CTNNA3: variants seen among roughly 807,000 people sequenced by gnomAD.
The protein encoded by CTNNA3 is catenin alpha 3, also known as catenin alpha-3.
A neutral mutation model predicts 95.7 loss-of-function variants in CTNNA3; 76 were observed. That is an observed-to-expected ratio of 0.79 (90% CI 0.66 to 0.96). CTNNA3 has a LOEUF of 0.96. Among genes scored for constraint, CTNNA3 ranks in the 40% least tolerant of loss-of-function variants. CTNNA3 has a pLI of 0.00. For missense variants in CTNNA3, 1,191 were observed against 1,089.8 expected, an observed-to-expected ratio of 1.09 and a Z score of -1.31; for synonymous variants, 431 against 374.4, an observed-to-expected ratio of 1.15 and a Z score of -1.74.
intron 9 of CTNNA3, among the ~76,000 whole-genome samples, chr10:66,692,844 T>C (rs1847604240): frequency 6.6e-6 from 1 of 152,084 alleles, no homozygotes; most frequent in African/African-American, 2.4e-5. Context: ...AACCCAGAAT[T>C]TCATATCCAG....
intron 12 of CTNNA3, among the ~76,000 whole-genome samples, chr10:66,325,194 G>T (rs1589088349): frequency 6.6e-6 from 1 of 152,188 alleles, no homozygotes; most frequent in South Asian, 2.1e-4. Context: ...AGTAATGACT[G>T]TAGTCCCTCA....
intron 5 of CTNNA3, among the ~76,000 whole-genome samples, chr10:67,270,543 G>A (rs935242141): frequency 1.3e-5 from 2 of 152,084 alleles, no homozygotes; most frequent in Non-Finnish European, 2.9e-5. Context: ...CTAGTTCTTG[G>A]ATAAACTTTT....
intron 5 of CTNNA3, among the ~76,000 whole-genome samples, chr10:67,504,239 T>A (rs186694622): frequency 4.0e-5 from 6 of 148,442 alleles, no homozygotes; most frequent in African/African-American, 1.5e-4. Context: ...GATCACAAGG[T>A]CAGGAAATCG....
At chr10:66,176,342 C>T (rs1247523440) in intron 13 of CTNNA3, among the ~76,000 whole-genome samples, 1 of 152,046 alleles carries the variant, frequency 6.6e-6, no homozygotes, top group Non-Finnish European at 1.5e-5. Context: ...CTTACATAAA[C>T]CTGTTCTGAC....
At chr10:66,052,580 C>T (rs2079981457) in intron 15 of CTNNA3, among the ~76,000 whole-genome samples, 1 of 152,132 alleles carries the variant, frequency 6.6e-6, no homozygotes, top group Non-Finnish European at 1.5e-5. Flanking sequence ...CAAAAATTTA[C>T]TGTCTCTGTT....
At chr10:66,002,646 C>T (rs920242157) in intron 15 of CTNNA3, among the ~76,000 whole-genome samples, 5 of 151,000 alleles carry the variant, frequency 3.3e-5, no homozygotes, top group Non-Finnish European at 7.4e-5. Context: ...TAGGTACCCT[C>T]GATCTACAAG....
At chr10:66,817,052 A>G (rs889551461) in intron 7 of CTNNA3, among the ~76,000 whole-genome samples, 4 of 152,032 alleles carry the variant, frequency 2.6e-5, no homozygotes, top group African/African-American at 9.7e-5. Context: ...ATAACTGTAA[A>G]TGCTTATGTT....
intron 4 of CTNNA3, among the ~76,000 whole-genome samples, chr10:67,525,882 C>T (rs1327509824): frequency 2.0e-5 from 3 of 152,228 alleles, no homozygotes; most frequent in East Asian, 1.9e-4. Context: ...TGCATTTATA[C>T]GAGGTGCTGG....
chr10:66,581,893 C>G (rs1190167937), intron 10 of CTNNA3, among the ~76,000 whole-genome samples: 2 of 151,524 alleles, frequency 1.3e-5, no homozygotes, highest in Non-Finnish European at 3.0e-5. Context: ...TTCTAGCACC[C>G]TTTATTGAAC....
chr10:67,637,212 C>T (rs115465294), intron 2 of CTNNA3, among the ~76,000 whole-genome samples: 4,670 of 152,154 alleles, frequency 0.031, 239 homozygotes, highest in African/African-American at 0.11. Flanking sequence ...AACTACGTGA[C>T]GAATGCACAA....
Position 66,718,357 on chromosome 10 carries a change from C to CA in CTNNA3, c.1281+47906dup, listed in dbSNP as rs532518340. 2.7e-3 allele frequency among the ~76,000 whole-genome samples: 406 copies of CA among 152,104 alleles called. 2 individuals are homozygous for CA. Among genetic ancestry groups the CA allele is most frequent in the African/African-American group, 9.1e-3 (377 of 41,530 alleles). ...AACTCCACTGCTTGCGTCCTCTTCC[C>CA]AAAATGCAAATATTATTTCATCTGC... On this transcript the variant is annotated intron_variant, in intron 9 of 17. Transcript: ENST00000433211.
intron 13 of CTNNA3, among the ~76,000 whole-genome samples, chr10:66,107,572 C>G (rs1470773992): frequency 6.6e-6 from 1 of 152,092 alleles, no homozygotes; most frequent in South Asian, 2.1e-4. Flanking sequence ...GAAGCCAGGA[C>G]AGCAATGACA....
chr10:66,983,489 G>A (rs916685570), intron 7 of CTNNA3, among the ~76,000 whole-genome samples: 16 of 152,230 alleles, frequency 1.1e-4, no homozygotes, highest in African/African-American at 3.4e-4. Context: ...AATACAGAAG[G>A]ACTGCATTTG....
intron 13 of CTNNA3, among the ~76,000 whole-genome samples, chr10:66,189,600 T>TTATATA (rs539638553): frequency 2.2e-4 from 20 of 89,274 alleles, no homozygotes; most frequent in African/African-American, 6.5e-4. Context: ...TACTATAGAT[T>TTATATA]TATATATATA....
chr10:67,326,835 T>C (rs1421758599), intron 5 of CTNNA3, among the ~76,000 whole-genome samples: 1 of 152,214 alleles, frequency 6.6e-6, no homozygotes, highest in Non-Finnish European at 1.5e-5. Flanking sequence ...TGGTTCCATT[T>C]TCCCCATCTC....
chr10:66,693,358 C>T (rs924346862), intron 9 of CTNNA3, among the ~76,000 whole-genome samples: 1 of 143,688 alleles, frequency 7.0e-6, no homozygotes, highest in East Asian at 2.3e-4. Flanking sequence ...TCAAAAGAGA[C>T]AAAGAAGGCC....
At chr10:66,936,707 A>G (rs1473311573) in intron 7 of CTNNA3, among the ~76,000 whole-genome samples, 1 of 151,958 alleles carries the variant, frequency 6.6e-6, no homozygotes, top group Non-Finnish European at 1.5e-5. Context: ...TCAGCATCCC[A>G]TTTCCATGTA....
intron 12 of CTNNA3, among the ~76,000 whole-genome samples, chr10:66,291,740 A>T (rs570413693): frequency 6.6e-6 from 1 of 151,596 alleles, no homozygotes; most frequent in Non-Finnish European, 1.5e-5. Context: ...ATATATGTGT[A>T]TTTATATATT....
chr10:66,274,035 C>A (rs1485654530), intron 13 of CTNNA3, among the ~76,000 whole-genome samples: 1 of 151,728 alleles, frequency 6.6e-6, no homozygotes, highest in African/African-American at 2.4e-5. Context: ...TGAGTGGATT[C>A]TTGGAAAAGC....
Sources: gnomAD v4.1 joint callset for allele counts (sites outside exome capture counted in the v4.1 genomes callset) on GRCh38, gnomAD v4.1.1 for gene constraint, MANE v1.5 for transcripts, NCBI Gene and HGNC (gene_info 2026-07-23, HGNC 2026-07-21) for gene names.